Variants in OR2L5 observed in about 807,000 individuals in gnomAD.
OR2L5 encodes olfactory receptor family 2 subfamily L member 5.
For missense variants in OR2L5, 413 were observed against 381.6 expected (o/e 1.08, Z -0.69); for synonymous variants, 169 against 142.0 (o/e 1.19, Z -1.35).
Position 248,022,755 on chromosome 1 carries a change from G to A in OR2L5, c.808G>A (p.Asp270Asn), listed in dbSNP as rs1335417698. 6.2e-7 allele frequency: 1 copy of A among 1,613,980 alleles called. No individual in the cohort carries two copies. Among genetic ancestry groups the A allele is most frequent in the African/African-American group, 1.3e-5 (1 of 74,958 alleles). Residue 270 changes from aspartate (D) to asparagine (N), a missense_variant, in exon 2 of 2, where the codon GAC becomes AAC. Asp to Asn is a conservative substitution (Grantham distance 23, BLOSUM62 1). Coordinates refer to ENST00000355281, the MANE Select transcript of OR2L5 (RefSeq NM_001258284.2). ...AAGATCCCTGCGATCTCTGACAGAG[G>A]ACAAGGTTCTGGCTGTTTTCTACAC... is the stretch of plus-strand genomic sequence containing the variant. ...CPRSLRSLTE[D>N]KVLAVFYTIL...
At chr1:248,016,837 T>A (rs772039168) in intron 1 of OR2L5, among the ~76,000 whole-genome samples, 10 of 152,064 alleles carry the variant, frequency 6.6e-5, no homozygotes, top group Non-Finnish European at 1.3e-4. Context: ...TTGTGTGTGA[T>A]GTAGAGAAGT....
chr1:248,019,734 TTCCTTC>T (rs79148635), intron 1 of OR2L5, among the ~76,000 whole-genome samples: 24,670 of 150,946 alleles, frequency 0.16, 2,150 homozygotes, highest in East Asian at 0.32. Context: ...TCCTCCTTCC[TTCCTTC>T]TCCTTCTCCT....
intron 1 of OR2L5, among the ~76,000 whole-genome samples, chr1:248,016,767 G>A (rs1662207742): frequency 6.6e-6 from 1 of 151,868 alleles, no homozygotes; most frequent in Non-Finnish European, 1.5e-5. Flanking sequence ...AGATATGTAT[G>A]TGTGTATATA....
Position 248,022,759 on chromosome 1 carries a change from A to C in OR2L5, c.812A>C (p.Lys271Thr), listed in dbSNP as rs1662376629. The C allele has an allele frequency of 1.2e-6, 2 of 1,614,060 alleles. No individual in the cohort carries two copies. The highest frequency in any genetic ancestry group is 1.3e-5 in the African/African-American group (1 of 75,006). ...PRSLRSLTED[K>T]VLAVFYTILT... ...TCCCTGCGATCTCTGACAGAGGACA[A>C]GGTTCTGGCTGTTTTCTACACCATC... Residue 271 changes from lysine (K) to threonine (T), a missense_variant, in exon 2 of 2, where the codon AAG becomes ACG. Transcript: ENST00000355281.
chr1:248,016,130 G>T (rs1662191980), intron 1 of OR2L5, among the ~76,000 whole-genome samples: 1 of 152,026 alleles, frequency 6.6e-6, no homozygotes, highest in Admixed American at 6.6e-5. Flanking sequence ...ATTTTAATTA[G>T]CTCATATTCA....
In OR2L5 at chr1:248,022,211, C is replaced by T. The variant is rs74969812; in HGVS notation, c.264C>T (p.Asn88=). The T allele has an allele frequency of 1.5e-5, 25 of 1,614,026 alleles. No homozygotes were observed. The African/African-American group carries it at 2.7e-4, about 17-fold the overall frequency. Residue 88 remains asparagine, a synonymous_variant, in exon 2 of 2, where the codon AAC becomes AAT. Transcript: ENST00000355281. ...TGGCTTCTGATTTTCTGTATGGAAA[C>T]AAGTCTATCTCCTTCATTGGGTGTG... is the stretch of plus-strand genomic sequence containing the variant. ...PKMASDFLYG[N]KSISFIGCGI...
At chr1:248,021,789 A>G (rs1234810298) in intron 1 of OR2L5, 138 bp from the exon 2 acceptor site, 3 of 535,178 alleles carry the variant, frequency 5.6e-6, no homozygotes, top group East Asian at 3.0e-5. Context: ...TATAATACAT[A>G]TTGATGGATA....
chr1:248,015,871 G>A (rs1224782695), intron 1 of OR2L5, among the ~76,000 whole-genome samples: 1 of 152,022 alleles, frequency 6.6e-6, no homozygotes. Flanking sequence ...ATTTCTCTTT[G>A]AGAATACTTT....
Position 248,022,461 on chromosome 1 carries a change from G to T in OR2L5, c.514G>T (p.Ala172Ser), listed in dbSNP as rs1160761455. Residue 172 changes from alanine to serine, a missense_variant, in exon 2 of 2, where the codon GCC (alanine) becomes TCC (serine). Coordinates refer to ENST00000355281, the MANE Select transcript of OR2L5 (RefSeq NM_001258284.2). The part of the protein sequence containing the change: ...AFRIPYCKSR[A>S]INHFFCDVPA... ...CCGTATCCCATATTGCAAGTCCAGA[G>T]CCATCAATCATTTTTTCTGTGATGT... is the stretch of plus-strand genomic sequence containing the variant. The T allele has an allele frequency of 3.7e-6, 6 of 1,614,004 alleles. No individual in the cohort carries two copies. Among genetic ancestry groups the T allele is most frequent in the Non-Finnish European group, 5.1e-6 (6 of 1,180,048 alleles).
chr1:248,017,792 G>A (rs1431706637), intron 1 of OR2L5, among the ~76,000 whole-genome samples: 3 of 152,080 alleles, frequency 2.0e-5, no homozygotes, highest in African/African-American at 7.3e-5. Context: ...GATTTGCTTC[G>A]TGATTCCGTC....
intron 1 of OR2L5, among the ~76,000 whole-genome samples, chr1:248,017,264 A>T (rs1305124288): frequency 6.6e-6 from 1 of 152,168 alleles, no homozygotes; most frequent in East Asian, 1.9e-4. Flanking sequence ...ACCTGTTTGG[A>T]TTTATTTTTA....
rs1480887248 is a variant in OR2L5, at chr1:248,024,116, T to C, written c.*1230T>C. The C allele has an allele frequency of 6.6e-6, 1 of 152,126 alleles. No homozygotes were observed. Among genetic ancestry groups the C allele is most frequent in the Non-Finnish European group, 1.5e-5 (1 of 68,010 alleles). 9.4% of individuals were successfully genotyped at this position (152,126 alleles called of 1,614,324 possible). The stretch of plus-strand genomic sequence containing the variant: ...AACGTGCAGGTTTGTTACACAGGTA[T>C]ACATGTGCCGTTGTGGTTTGCTGCA... On this transcript the variant is annotated 3_prime_UTR_variant, in exon 2 of 2. Coordinates refer to ENST00000355281, the MANE Select transcript of OR2L5 (RefSeq NM_001258284.2).
chr1:248,022,090 T>A lies in OR2L5; in HGVS notation c.143T>A (p.Ile48Asn), dbSNP rs746002858. 2 of 1,613,768 alleles carry A rather than the reference T, an allele frequency of 1.2e-6. No individual in the cohort carries two copies. Among genetic ancestry groups the A allele is most frequent in the Non-Finnish European group, 1.7e-6 (2 of 1,179,820 alleles). ...GGAAACCTATCCATGATTCTTCTCA[T>A]CTTCTTGGACACCCATCTCCACACA... The part of the protein sequence containing the change: ...LIGNLSMILL[I>N]FLDTHLHTPM... The change falls in exon 2 of 2, where the codon ATC (isoleucine) becomes AAC (asparagine). Residue 48 changes from isoleucine to asparagine, a missense_variant. Transcript: ENST00000355281.
chr1:248,018,146 C>A (rs562333820), intron 1 of OR2L5, among the ~76,000 whole-genome samples: 6 of 143,526 alleles, frequency 4.2e-5, no homozygotes, highest in African/African-American at 1.7e-4. Context: ...CAGAGCGACT[C>A]CATCTCAAAA....
chr1:248,017,315 G>T (rs140746688), intron 1 of OR2L5, among the ~76,000 whole-genome samples: 1 of 152,196 alleles, frequency 6.6e-6, no homozygotes, highest in East Asian at 1.9e-4. Context: ...TGAAACAGAT[G>T]TATAATGGCT....
chr1:248,022,752 G>A lies in OR2L5; in HGVS notation c.805G>A (p.Glu269Lys). 6.2e-7 allele frequency: 1 copy of A among 1,614,116 alleles called. No individual in the cohort carries two copies. The highest frequency in any genetic ancestry group is 8.5e-7 in the Non-Finnish European group (1 of 1,180,006). ...TCCAAGATCCCTGCGATCTCTGACA[G>A]AGGACAAGGTTCTGGCTGTTTTCTA... ...LCPRSLRSLTEDKVLAVFYTI... is the reference protein window; with the variant it reads ...LCPRSLRSLTKDKVLAVFYTI... The change falls in exon 2 of 2, where the codon GAG (glutamate) becomes AAG (lysine). Residue 269 changes from glutamate to lysine, a missense_variant. Physicochemically the swap from Glu to Lys is moderately conservative, Grantham distance 56. Coordinates refer to ENST00000355281, the MANE Select transcript of OR2L5 (RefSeq NM_001258284.2).
At chr1:248,018,386 C>T (rs1662258802) in intron 1 of OR2L5, among the ~76,000 whole-genome samples, 1 of 152,000 alleles carries the variant, frequency 6.6e-6, no homozygotes, top group Non-Finnish European at 1.5e-5. Flanking sequence ...ACAAATAGCA[C>T]CTATTCTACA....
rs1020361372 is a variant in OR2L5 at position 248,023,090 on chromosome 1, C to G, written c.*204C>G. 17 of 474,078 alleles carry G rather than the reference C, an allele frequency of 3.6e-5. No homozygotes were observed. The highest frequency in any genetic ancestry group is 6.3e-5 in the Non-Finnish European group (17 of 271,888). 29.4% of individuals were successfully genotyped at this position (474,078 alleles called of 1,614,324 possible). ...GTTTGTGTTTCTTTTTATCAAAAGACAGATCATATATTTTACACTAAATTG... is the reference window on the plus strand; with the variant it reads ...GTTTGTGTTTCTTTTTATCAAAAGAGAGATCATATATTTTACACTAAATTG... On this transcript the variant is annotated 3_prime_UTR_variant, in exon 2 of 2. Transcript: ENST00000355281.
At position 248,022,748 on chromosome 1, in the gene OR2L5, G is replaced by T; in HGVS notation, c.801G>T (p.Leu267=). The change falls in exon 2 of 2, where the codon CTG becomes CTT. Residue 267 remains leucine, a synonymous_variant. Transcript: ENST00000355281. ...TYLCPRSLRS[L]TEDKVLAVFY... is the part of the protein sequence containing the mutation. ...TATGTCCAAGATCCCTGCGATCTCT[G>T]ACAGAGGACAAGGTTCTGGCTGTTT... The T allele has an allele frequency of 1.9e-6, 3 of 1,614,042 alleles. No individual in the cohort carries two copies. The highest frequency in any genetic ancestry group is 2.5e-6 in the Non-Finnish European group (3 of 1,180,014).
Sources: allele counts gnomAD v4.1 joint callset (sites outside exome capture counted in the v4.1 genomes callset), GRCh38; gene constraint gnomAD v4.1.1; transcripts MANE v1.5; gene names NCBI Gene and HGNC (gene_info 2026-07-23, HGNC 2026-07-21).